Variants in ACOXL observed in about 807,000 individuals in gnomAD.
The protein encoded by ACOXL is acyl-CoA oxidase like.
In ACOXL, 70 loss-of-function variants were observed where a neutral mutation model predicts 71.9. The observed-to-expected ratio is 0.97, with a 90% confidence interval of 0.80 to 1.19. ACOXL has a LOEUF of 1.19. Among genes scored for constraint, ACOXL ranks in the 50% most tolerant of loss-of-function variants. The pLI, the probability that ACOXL is intolerant of heterozygous loss-of-function variation, is 0.00. For missense variants in ACOXL, 703 were observed against 736.3 expected, an observed-to-expected ratio of 0.95 and a Z score of 0.52; for synonymous variants, 253 against 281.6, an observed-to-expected ratio of 0.90 and a Z score of 1.02.
chr2:110,771,397 C>T (rs540622188), intron 2 of ACOXL, among the ~76,000 whole-genome samples: 2 of 152,222 alleles, frequency 1.3e-5, no homozygotes, highest in African/African-American at 4.8e-5. Context: ...TCTGTGTTTC[C>T]CTGGACCCCC....
chr2:110,781,108 G>GC (rs1683264791), intron 2 of ACOXL, among the ~76,000 whole-genome samples: 1 of 152,212 alleles, frequency 6.6e-6, no homozygotes, highest in Admixed American at 6.5e-5. Flanking sequence ...GGGGATGCCT[G>GC]CTGGGGGAAG....
chr2:110,851,007 A>G (rs1287373316), intron 10 of ACOXL, among the ~76,000 whole-genome samples: 1 of 152,200 alleles, frequency 6.6e-6, no homozygotes, highest in Non-Finnish European at 1.5e-5. Flanking sequence ...GAGTGGAAAA[A>G]GCCAGACTCA....
intron 8 of ACOXL, among the ~76,000 whole-genome samples, chr2:110,804,903 C>T (rs1686439694): frequency 6.6e-6 from 1 of 152,162 alleles, no homozygotes; most frequent in Non-Finnish European, 1.5e-5. Flanking sequence ...GGAATAGGAT[C>T]ATGGTGATGG....
chr2:110,807,569 C>T (rs921000067), intron 9 of ACOXL, among the ~76,000 whole-genome samples: 44 of 152,114 alleles, frequency 2.9e-4, no homozygotes, highest in African/African-American at 9.9e-4. Flanking sequence ...CACAGTAACC[C>T]GGAGTTAGCA....
At chr2:111,020,980 T>A (rs572942898) in intron 14 of ACOXL, among the ~76,000 whole-genome samples, 39 of 152,346 alleles carry the variant, frequency 2.6e-4, no homozygotes, top group African/African-American at 8.7e-4. Context: ...ATCAATGCCA[T>A]CGATCACTTT....
chr2:110,963,571 GT>G (rs1558795522), intron 12 of ACOXL: 4 of 435,640 alleles, frequency 9.2e-6, no homozygotes, highest in African/African-American at 9.6e-5. Context: ...TGAAATGTGT[GT>G]GTGTGTGTGT....
chr2:111,003,581 A>AAAAAG (rs1558855365), intron 14 of ACOXL, among the ~76,000 whole-genome samples: 3 of 147,290 alleles, frequency 2.0e-5, no homozygotes, highest in African/African-American at 7.7e-5. Context: ...AAAAAAAAAG[A>AAAAAG]ATCACAGAAC....
intron 10 of ACOXL, among the ~76,000 whole-genome samples, chr2:110,900,623 G>A (rs752488745): frequency 1.1e-4 from 17 of 152,180 alleles, no homozygotes; most frequent in Non-Finnish European, 2.5e-4. Context: ...GGTGATGCAG[G>A]TGGGGATATG....
Position 110,993,329 on chromosome 2 carries a change from A to G in ACOXL, c.1170-2564A>G, listed in dbSNP as rs559914435. On this transcript the variant is annotated intron_variant, in intron 13 of 17. Coordinates refer to ENST00000439055, the MANE Select transcript of ACOXL (RefSeq NM_001142807.4). ...CTACGCAGATACAGCCACTCTTCTG[A>G]TATTTTCCCACCACAGATTAGTTTT... Among the ~76,000 whole-genome samples the G allele has an allele frequency of 5.3e-5, 8 of 152,298 alleles. No individual in the cohort carries two copies. The East Asian group carries it at 1.4e-3, about 26-fold the overall frequency.
At chr2:111,019,083 C>T (rs1482871453) in intron 14 of ACOXL, among the ~76,000 whole-genome samples, 2 of 152,168 alleles carry the variant, frequency 1.3e-5, no homozygotes, top group Non-Finnish European at 2.9e-5. Context: ...TTTAAGCAGT[C>T]ACTAAGGGCA....
At chr2:110,961,109 G>A (rs535629002) in intron 12 of ACOXL, among the ~76,000 whole-genome samples, 133 of 152,282 alleles carry the variant, frequency 8.7e-4, no homozygotes, top group African/African-American at 3.0e-3. Context: ...TGACAACCAC[G>A]AGCCTGCCTC....
chr2:111,038,308 C>T (rs2065620033), intron 15 of ACOXL, among the ~76,000 whole-genome samples: 1 of 152,158 alleles, frequency 6.6e-6, no homozygotes, highest in African/African-American at 2.4e-5. Context: ...TCCCAGTGCT[C>T]GTTGGAGCTG....
rs183357295 is a variant in ACOXL, at chr2:110,760,206, C to T, written c.-22-8162C>T. Among the ~76,000 whole-genome samples, 4 of 150,316 alleles carry T rather than the reference C, an allele frequency of 2.7e-5. No homozygotes were observed. The South Asian group carries it at 8.4e-4, about 32-fold the overall frequency. ...CCAGGCTGGAGTGCAGTGGTGCAATCTCGGCTCACTGCAAGCTCCACCTCT... is the reference window on the plus strand; with the variant it reads ...CCAGGCTGGAGTGCAGTGGTGCAATTTCGGCTCACTGCAAGCTCCACCTCT... On this transcript the variant is annotated intron_variant, in intron 1 of 17. Coordinates refer to ENST00000439055, the MANE Select transcript of ACOXL (RefSeq NM_001142807.4).
At chr2:110,843,197 G>T (rs1156779333) in intron 10 of ACOXL, among the ~76,000 whole-genome samples, 2 of 152,192 alleles carry the variant, frequency 1.3e-5, no homozygotes, top group Non-Finnish European at 2.9e-5. Flanking sequence ...TGACAAGCTT[G>T]CCCTTCCCCA....
At chr2:110,746,624 C>T (rs1678250346) in intron 1 of ACOXL, among the ~76,000 whole-genome samples, 1 of 152,092 alleles carries the variant, frequency 6.6e-6, no homozygotes, top group Non-Finnish European at 1.5e-5. Flanking sequence ...TGAGTTTGCA[C>T]CGTAGACGCC....
chr2:111,116,733 CAGA>C (rs2150096716), intron 17 of ACOXL, among the ~76,000 whole-genome samples: 1 of 150,872 alleles, frequency 6.6e-6, no homozygotes, highest in Non-Finnish European at 1.5e-5. Flanking sequence ...ATGTGTAGAT[CAGA>C]AGAAAAGAAA....
intron 12 of ACOXL, among the ~76,000 whole-genome samples, chr2:110,966,344 CA>C (rs2061928175): frequency 6.6e-6 from 1 of 152,178 alleles, no homozygotes; most frequent in Non-Finnish European, 1.5e-5. Flanking sequence ...ACCCTGGGGC[CA>C]GCAGGGGTCC....
At chr2:111,032,897 G>A (rs1257380239) in intron 15 of ACOXL, among the ~76,000 whole-genome samples, 1 of 152,230 alleles carries the variant, frequency 6.6e-6, no homozygotes, top group East Asian at 1.9e-4. Flanking sequence ...GAGCTCTGAT[G>A]AGAGCTGGAT....
chr2:111,017,222 T>C (rs186199237), intron 14 of ACOXL, among the ~76,000 whole-genome samples: 17 of 152,324 alleles, frequency 1.1e-4, no homozygotes, highest in Admixed American at 4.6e-4. Flanking sequence ...GAGCCTGTTA[T>C]TCTATTTTGC....
Sources: gnomAD v4.1 joint callset for allele counts (sites outside exome capture counted in the v4.1 genomes callset) on GRCh38, gnomAD v4.1.1 for gene constraint, MANE v1.5 for transcripts, NCBI Gene and HGNC (gene_info 2026-07-23, HGNC 2026-07-21) for gene names.